Variants in STX19 observed in about 807,000 individuals in gnomAD.
The protein encoded by STX19 is syntaxin-19.
In STX19, 26 loss-of-function variants were observed where a neutral mutation model predicts 24.3. The observed-to-expected ratio is 1.07, with a 90% CI of 0.78 to 1.48. The LOEUF (loss-of-function observed/expected upper bound fraction) is 1.48, where lower values mean the gene tolerates loss of function less well. STX19 is among the 40% of genes most tolerant of loss of function. The probability of loss-of-function intolerance (pLI) is 0.00; values close to 1 mark genes in which losing one functional copy is unlikely to be tolerated. For missense variants in STX19, 367 were observed against 331.9 expected, an observed-to-expected ratio of 1.11 and a Z score of -0.82; for synonymous variants, 116 against 106.9, an observed-to-expected ratio of 1.09 and a Z score of -0.52.
intron 1 of STX19, among the ~76,000 whole-genome samples, chr3:94,017,247 C>A (rs1375465917): frequency 6.6e-6 from 1 of 152,076 alleles, no homozygotes; most frequent in Admixed American, 6.5e-5. Context: ...GTCTTCTAAA[C>A]AAAGGTCTGT....
At chr3:94,018,082 A>G (rs2076368771) in intron 1 of STX19, among the ~76,000 whole-genome samples, 1 of 152,168 alleles carries the variant, frequency 6.6e-6, no homozygotes, top group Non-Finnish European at 1.5e-5. Flanking sequence ...TTTTAAACTG[A>G]TACAGGGGTG....
At chr3:94,025,943 T>A (rs1391858318) in intron 1 of STX19, among the ~76,000 whole-genome samples, 2 of 152,190 alleles carry the variant, frequency 1.3e-5, no homozygotes, top group African/African-American at 4.8e-5. Flanking sequence ...ATTTGCCCAG[T>A]GTAATTAGCT....
Position 94,014,635 on chromosome 3 carries a change from A to C in STX19, c.635T>G (p.Ile212Ser). ...AACAAGTTCCTTGTGTCTCTGTTCA[A>C]TCTCTGAAAGTTGTGCTTTAGTGAT... ...INITKAQLSE[I>S]EQRHKELVNL... The change falls in exon 2 of 2, where the codon ATT (isoleucine) becomes AGT (serine). Residue 212 changes from isoleucine to serine, a missense_variant. Coordinates refer to ENST00000315099, the MANE Select transcript of STX19 (RefSeq NM_001001850.3). 5.0e-6 allele frequency: 8 copies of C among 1,613,594 alleles called. No individual in the cohort carries two copies. The highest frequency in any genetic ancestry group is 6.8e-6 in the Non-Finnish European group (8 of 1,179,934).
intron 1 of STX19, among the ~76,000 whole-genome samples, chr3:94,021,861 T>C (rs1429695973): frequency 6.6e-6 from 1 of 152,170 alleles, no homozygotes; most frequent in Non-Finnish European, 1.5e-5. Flanking sequence ...AGCCATAAGC[T>C]TTTTAAATAA....
chr3:94,015,157 G>A lies in STX19; in HGVS notation c.113C>T (p.Ala38Val). Residue 38 changes from alanine to valine, a missense_variant, in exon 2 of 2, where the codon GCT (alanine) becomes GTT (valine). Transcript: ENST00000315099. ...TEEQGVFLQQ[A>V]VIYEREPVAE... ...TACAGGCTCTCTTTCATAAATAACA[G>A]CTTGCTGTAGAAACACCCCTTGTTC... 1 of 1,613,918 alleles carries A rather than the reference G, an allele frequency of 6.2e-7. No homozygotes were observed. The highest frequency in any genetic ancestry group is 1.7e-5 in the Admixed American group (1 of 60,014).
At chr3:94,018,158 A>G (rs1402750760) in intron 1 of STX19, among the ~76,000 whole-genome samples, 2 of 151,928 alleles carry the variant, frequency 1.3e-5, no homozygotes, top group Non-Finnish European at 2.9e-5. Flanking sequence ...TTGTCCTCCC[A>G]GAGTGCTAAG....
intron 1 of STX19, among the ~76,000 whole-genome samples, chr3:94,020,877 A>G (rs1159978352): frequency 1.3e-5 from 2 of 152,164 alleles, no homozygotes; most frequent in Non-Finnish European, 2.9e-5. Context: ...AAGTTCAGTC[A>G]GTACAATTTA....
At chr3:94,019,933 C>T (rs1028543259) in intron 1 of STX19, among the ~76,000 whole-genome samples, 1 of 152,220 alleles carries the variant, frequency 6.6e-6, no homozygotes, top group Non-Finnish European at 1.5e-5. Context: ...TGAAATGTCA[C>T]TCCTGAGTTA....
chr3:94,022,312 G>GA (rs1482466717), intron 1 of STX19, among the ~76,000 whole-genome samples: 1 of 152,014 alleles, frequency 6.6e-6, no homozygotes, highest in Non-Finnish European at 1.5e-5. Context: ...TTTTAATAGA[G>GA]ATGGGGTTTT....
At chr3:94,025,615 T>TA (rs1365848493) in intron 1 of STX19, among the ~76,000 whole-genome samples, 1 of 152,188 alleles carries the variant, frequency 6.6e-6, no homozygotes, top group African/African-American at 2.4e-5. Flanking sequence ...ATTGGGGAGT[T>TA]ATACAAGAAT....
rs757204377 is a variant in STX19 at position 94,014,612 on chromosome 3, C to A, written c.658G>T (p.Val220Phe). 1 of 1,613,258 alleles carries A rather than the reference C, an allele frequency of 6.2e-7. No individual in the cohort carries two copies. Among genetic ancestry groups the A allele is most frequent in the Non-Finnish European group, 8.5e-7 (1 of 1,179,860 alleles). ...SEIEQRHKEL[V>F]NLENQIKDLR... Reference sequence around the variant, plus strand: ...TCCTTTATTTGGTTCTCCAAATTAACAAGTTCCTTGTGTCTCTGTTCAATC... The same window carrying A: ...TCCTTTATTTGGTTCTCCAAATTAAAAAGTTCCTTGTGTCTCTGTTCAATC... Residue 220 changes from valine (V) to phenylalanine (F), a missense_variant, in exon 2 of 2, where the codon GTT (valine) becomes TTT (phenylalanine). By Grantham distance (50) the Val-to-Phe change is conservative. Coordinates refer to ENST00000315099, the MANE Select transcript of STX19 (RefSeq NM_001001850.3).
chr3:94,027,192 C>A (rs1318650414), intron 1 of STX19, among the ~76,000 whole-genome samples: 1 of 151,914 alleles, frequency 6.6e-6, no homozygotes, highest in African/African-American at 2.4e-5. Flanking sequence ...TATATGAAGT[C>A]AACTTGCCAC....
At chr3:94,018,873 C>T (rs919729564) in intron 1 of STX19, among the ~76,000 whole-genome samples, 14 of 152,158 alleles carry the variant, frequency 9.2e-5, no homozygotes, top group Non-Finnish European at 1.3e-4. Context: ...TCAAGCAATT[C>T]TCCTGCCTCA....
intron 1 of STX19, among the ~76,000 whole-genome samples, chr3:94,020,444 C>T (rs533539454): frequency 8.0e-4 from 122 of 152,180 alleles, no homozygotes; most frequent in African/African-American, 2.8e-3. Flanking sequence ...CTTTATACGA[C>T]AGTATAGCAT....
intron 1 of STX19, among the ~76,000 whole-genome samples, chr3:94,017,257 T>C (rs2076352659): frequency 6.6e-6 from 1 of 152,196 alleles, no homozygotes; most frequent in African/African-American, 2.4e-5. Context: ...CAAAGGTCTG[T>C]GTATGCAAGT....
At chr3:94,016,591 C>A (rs2076337596) in intron 1 of STX19, among the ~76,000 whole-genome samples, 1 of 151,648 alleles carries the variant, frequency 6.6e-6, no homozygotes, top group Non-Finnish European at 1.5e-5. Flanking sequence ...GAGTAGAAGA[C>A]CCTTGGGTTC....
intron 1 of STX19, 138 bp downstream of exon 1, chr3:94,028,229 A>G (rs1461603477): frequency 6.6e-6 from 1 of 152,196 alleles, no homozygotes; most frequent in Non-Finnish European, 1.5e-5. Context: ...CAAATCAGCT[A>G]CTGGTACCCC....
chr3:94,015,401 G>A, intron 1 of STX19, 119 bp from the exon 2 acceptor site: 6 of 662,420 alleles, frequency 9.1e-6, no homozygotes, highest in East Asian at 2.9e-5. Flanking sequence ...TCTCAAATGA[G>A]GTTAAAAAGT....
In STX19 at chr3:94,019,385, T is replaced by G. The variant is rs150841282; in HGVS notation, c.-13-4103A>C. ...CTAATTTTTGTATTTTCAGTAGAGA[T>G]AGGGTTTCACCATATTGGTCAGGTT... is the stretch of plus-strand genomic sequence containing the variant. On this transcript the variant is annotated intron_variant, in intron 1 of 1. Coordinates refer to ENST00000315099, the MANE Select transcript of STX19 (RefSeq NM_001001850.3). Among the ~76,000 whole-genome samples the G allele has an allele frequency of 8.0e-4, 121 of 151,746 alleles. 2 individuals carry two copies. The East Asian group carries it at 0.023, about 28-fold the overall frequency.
Sources: allele counts gnomAD v4.1 joint callset (sites outside exome capture counted in the v4.1 genomes callset), GRCh38; gene constraint gnomAD v4.1.1; transcripts MANE v1.5; gene names NCBI Gene and HGNC (gene_info 2026-07-23, HGNC 2026-07-21).